The following AP4B1 variants were observed in gnomAD, a reference collection of about 807,000 sequenced individuals.
AP4B1 encodes the protein adaptor related protein complex 4 subunit beta 1.
In AP4B1, 49 loss-of-function variants were observed where a neutral mutation model predicts 76.5. That is an observed-to-expected ratio of 0.64 (90% CI 0.51 to 0.81). The LOEUF is 0.81. Ranked by LOEUF, AP4B1 falls within the 40% of genes least tolerant of loss-of-function variation. The probability of loss-of-function intolerance (pLI) is 0.00; values close to 1 mark genes in which losing one functional copy is unlikely to be tolerated. For missense variants in AP4B1, 911 were observed against 904.9 expected, an observed-to-expected ratio of 1.01 and a Z score of -0.09; for synonymous variants, 330 against 333.3, an observed-to-expected ratio of 0.99 and a Z score of 0.11.
rs368828060 is a variant in AP4B1 at position 113,895,415 on chromosome 1, G to C, written c.1870C>G (p.Arg624Gly). The change falls in exon 10 of 10, where the codon CGC (arginine) becomes GGC (glycine). Residue 624 changes from arginine to glycine, a missense_variant. Arg to Gly is a moderately radical substitution (Grantham distance 125). Transcript: ENST00000369569. ...DSGALMLVPN[R>G]QLTADYFEKT... ...TCAAAATAATCAGCAGTAAGCTGGC[G>C]ATTGGGGACTAGCATGAGGGCTCCA... is the stretch of plus-strand genomic sequence containing the variant. The C allele has an allele frequency of 1.4e-5, 22 of 1,614,190 alleles. No individual in the cohort carries two copies. The South Asian group carries it at 2.4e-4, about 18-fold the overall frequency.
At chr1:113,901,522 CAA>C in intron 3 of AP4B1, 139 bp from the exon 4 acceptor site, 6 of 995,808 alleles carry the variant, frequency 6.0e-6, no homozygotes, top group South Asian at 1.7e-5. Context: ...AAGTGCAAGG[CAA>C]AAAAAAAACT....
rs754282318 is a variant in AP4B1, at chr1:113,895,079, C to T, written c.2206G>A (p.Glu736Lys). The change falls in exon 10 of 10, where the codon GAA becomes AAA. Residue 736 changes from glutamate (E) to lysine (K), a missense_variant. Transcript: ENST00000369569. Reference sequence around the variant, plus strand: ...ACAAGACTCTGTTATGATTTTATTTCTTCAATTGTTCCAATCACAGTTTCT... The same window carrying T: ...ACAAGACTCTGTTATGATTTTATTTTTTCAATTGTTCCAATCACAGTTTCT... ...VLETVIGTIE[E>K]IKS 8 of 1,613,654 alleles carry T rather than the reference C, an allele frequency of 5.0e-6. No homozygotes were observed. The highest frequency in any genetic ancestry group is 6.8e-6 in the Non-Finnish European group (8 of 1,179,786).
At chr1:113,902,899 A>C (rs1245253452) in intron 1 of AP4B1, 37 bp from the exon 2 acceptor site, 1 of 1,591,116 alleles carries the variant, frequency 6.3e-7, no homozygotes, top group East Asian at 2.2e-5. Flanking sequence ...GTAAAATGCA[A>C]AATCCCCAAC....
intron 8 of AP4B1, 49 bp downstream of exon 8, chr1:113,896,209 A>G: frequency 4.3e-6 from 7 of 1,610,474 alleles, no homozygotes; most frequent in Non-Finnish European, 5.9e-6. Context: ...GCTATTAAGA[A>G]TTTTTACTAT....
chr1:113,901,303 C>A lies in AP4B1; in HGVS notation c.550G>T (p.Glu184Ter). The A allele has an allele frequency of 6.2e-7, 1 of 1,614,120 alleles. No homozygotes were observed. The highest frequency in any genetic ancestry group is 2.2e-5 in the East Asian group (1 of 44,872). The change falls in exon 4 of 10, where the codon GAG becomes TAG. Residue 184 changes from glutamate to a stop codon, truncating the protein, a stop_gained. Coordinates refer to ENST00000369569, the MANE Select transcript of AP4B1 (RefSeq NM_001253852.3). LOFTEE classifies it high-confidence loss of function. ...IVVVNCLRSL[E>*]EILKQEGGVV... ...CCTCCTTCCTGTTTCAGAATTTCCT[C>A]TAGAGACCTCAAGCAGTTCACAACT...
At chr1:113,898,864 C>T in intron 5 of AP4B1, 63 bp from the exon 6 acceptor site, 2 of 1,226,440 alleles carry the variant, frequency 1.6e-6, no homozygotes, top group Non-Finnish European at 2.4e-6. Context: ...AATCTAAAAT[C>T]ATCTCCCACC....
rs910482842 is a variant in AP4B1 at position 113,901,779 on chromosome 1, T to A, written c.445A>T (p.Asn149Tyr). 6.2e-7 allele frequency: 1 copy of A among 1,614,214 alleles called. No individual in the cohort carries two copies. The highest frequency in any genetic ancestry group is 8.5e-7 in the Non-Finnish European group (1 of 1,180,042). ...CCTACTTCAGAGTCTCCATGAAGATTATGCATCTTGGCACATCCAAGGACT... is the reference window on the plus strand; with the variant it reads ...CCTACTTCAGAGTCTCCATGAAGATAATGCATCTTGGCACATCCAAGGACT... ...VAVLGCAKMHNLHGDSEVDGA... is the reference protein window; with the variant it reads ...VAVLGCAKMHYLHGDSEVDGA... Residue 149 changes from asparagine to tyrosine, a missense_variant, in exon 3 of 10, where the codon AAT becomes TAT. Asn to Tyr is a moderately radical substitution (Grantham distance 143). Transcript: ENST00000369569.
intron 5 of AP4B1, 148 bp downstream of exon 5, chr1:113,899,756 T>G: frequency 4.0e-6 from 5 of 1,264,450 alleles, no homozygotes; most frequent in Non-Finnish European, 5.6e-6. Context: ...TCTTCCCCCG[T>G]GTTTGTAGTC....
At chr1:113,901,017 G>T (rs1244146434) in intron 4 of AP4B1, 3 of 571,138 alleles carry the variant, frequency 5.3e-6, no homozygotes. Flanking sequence ...TGAGGCAGGA[G>T]AATTGCTTGA....
Position 113,897,959 on chromosome 1 carries a change from G to C in AP4B1, c.1199-16C>G. ...TGCACCACCACTACAATACAGGCCA[G>C]GGTACAAGAGCACAGGATTAGAGCC... On this transcript the variant is annotated splice_polypyrimidine_tract_variant and intron_variant, in intron 6 of 9. Coordinates refer to ENST00000369569, the MANE Select transcript of AP4B1 (RefSeq NM_001253852.3). The C allele has an allele frequency of 6.2e-7, 1 of 1,614,122 alleles. No homozygotes were observed. The highest frequency in any genetic ancestry group is 1.3e-5 in the African/African-American group (1 of 75,026).
rs772249759 is a variant in AP4B1 at position 113,901,858 on chromosome 1, T to C, written c.366A>G (p.Gln122=). Residue 122 remains glutamine (Q), a synonymous_variant, in exon 3 of 10, where the codon CAA becomes CAG. Transcript: ENST00000369569. ...LRMPGVQEYI[Q]QPILNGLRDK... is the part of the protein sequence containing the mutation. ...CCCGCAGACCATTGAGAATAGGCTG[T>C]TGTATATACTCCTGCACACCAGGCA... The C allele has an allele frequency of 1.9e-6, 3 of 1,614,140 alleles. No homozygotes were observed. Among genetic ancestry groups the C allele is most frequent in the South Asian group, 1.1e-5 (1 of 91,082 alleles).
At position 113,895,237 on chromosome 1, in the gene AP4B1, A is replaced by C; in HGVS notation, c.2048T>G (p.Leu683Arg). Residue 683 changes from leucine to arginine, a missense_variant, in exon 10 of 10, where the codon CTC becomes CGC. Transcript: ENST00000369569. ...RAGSRPWKAYLSAQDDTGCLF... is the reference protein window; with the variant it reads ...RAGSRPWKAYRSAQDDTGCLF... ...ACAGCCAGTATCATCCTGAGCACTG[A>C]GGTATGCTTTCCATGGCCGAGACCC... 6.2e-7 allele frequency: 1 copy of C among 1,614,158 alleles called. No individual in the cohort carries two copies. The highest frequency in any genetic ancestry group is 8.5e-7 in the Non-Finnish European group (1 of 1,180,030).
intron 7 of AP4B1, chr1:113,896,689 T>C: frequency 1.7e-6 from 1 of 597,566 alleles, no homozygotes; most frequent in Non-Finnish European, 3.0e-6. Context: ...ATAGCCTATG[T>C]TGGATTAAGC....
rs373289645 is a variant in AP4B1 at position 113,899,947 on chromosome 1, C to T, written c.1071G>A (p.Thr357=). 43 of 1,614,058 alleles carry T rather than the reference C, an allele frequency of 2.7e-5. No individual in the cohort carries two copies. Among genetic ancestry groups the T allele is most frequent in the African/African-American group, 1.6e-4 (12 of 74,906 alleles). The change falls in exon 5 of 10, where the codon ACG becomes ACA. Residue 357 remains threonine, a synonymous_variant. Coordinates refer to ENST00000369569, the MANE Select transcript of AP4B1 (RefSeq NM_001253852.3). ...CCTGTGCAAAGTCCGCAGACACATCCGTGCAGTACCCTCGAAGCTCCTCTA... is the reference window on the plus strand; with the variant it reads ...CCTGTGCAAAGTCCGCAGACACATCTGTGCAGTACCCTCGAAGCTCCTCTA... ...QVLEELRGYC[T]DVSADFAQAA... is the part of the protein sequence containing the mutation.
intron 7 of AP4B1, chr1:113,897,567 C>T (rs1558083133): frequency 4.4e-6 from 2 of 457,138 alleles, no homozygotes; most frequent in African/African-American, 4.0e-5. Flanking sequence ...GCACTCCAGC[C>T]TGGGCAACTC....
At position 113,898,670 on chromosome 1, in the gene AP4B1, C is replaced by A. The variant is rs753499936; in HGVS notation, c.1198+48G>T. On this transcript the variant is annotated intron_variant, in intron 6 of 9. Coordinates refer to ENST00000369569, the MANE Select transcript of AP4B1 (RefSeq NM_001253852.3). ...ACATGTTTTGAGCAACTACTATAGGCCAGGCACCTGACAAAAAAAACAAAA... is the reference window on the plus strand; with the variant it reads ...ACATGTTTTGAGCAACTACTATAGGACAGGCACCTGACAAAAAAAACAAAA... The A allele has an allele frequency of 4.3e-6, 6 of 1,409,566 alleles. No homozygotes were observed. In the South Asian group the frequency reaches 6.9e-5, roughly 16 times the overall value. The allele number at this position is 1,409,566 out of a possible 1,614,324, so 87.3% of individuals were successfully genotyped here.
intron 1 of AP4B1, among the ~76,000 whole-genome samples, chr1:113,903,454 G>C (rs1668567059): frequency 6.6e-6 from 1 of 152,216 alleles, no homozygotes; most frequent in Non-Finnish European, 1.5e-5. Context: ...TCTTGAAGAA[G>C]GTGTGGTCTC....
At chr1:113,904,803 G>A (rs1668766232), upstream of AP4B1, 1 of 1,118,540 alleles carries the variant, frequency 8.9e-7, no homozygotes, top group East Asian at 2.4e-5. Flanking sequence ...CCTGAGTAAA[G>A]GAAATATGAG....
At position 113,895,862 on chromosome 1, in the gene AP4B1, G is replaced by A. The variant is rs752469657; in HGVS notation, c.1687C>T (p.Leu563=). The change falls in exon 9 of 10, where the codon CTG becomes TTG. Residue 563 remains leucine, a synonymous_variant. Transcript: ENST00000369569. ...VNSWASDFNT[L]VPVYGKAHWA... ...TGGGCTTTGCCATACACTGGCACCAGTGTGTTGAAGTCTGAGGCCCAGCTA... is the reference window on the plus strand; with the variant it reads ...TGGGCTTTGCCATACACTGGCACCAATGTGTTGAAGTCTGAGGCCCAGCTA... 1.1e-5 allele frequency: 18 copies of A among 1,614,246 alleles called. No homozygotes were observed. The highest frequency in any genetic ancestry group is 6.7e-5 in the East Asian group (3 of 44,882).
Sources: gnomAD v4.1 joint callset for allele counts (sites outside exome capture counted in the v4.1 genomes callset) on GRCh38, gnomAD v4.1.1 for gene constraint, MANE v1.5 for transcripts, NCBI Gene and HGNC (gene_info 2026-07-23, HGNC 2026-07-21) for gene names.